The following PIPOX variants were observed in gnomAD, a reference collection of about 807,000 sequenced individuals.
PIPOX encodes peroxisomal sarcosine oxidase.
Under a neutral mutation model 47.9 loss-of-function variants are expected in PIPOX, and 45 were observed. That is an observed-to-expected ratio of 0.94 (90% CI 0.74 to 1.20). The LOEUF is 1.20. Ranked by LOEUF, PIPOX falls within the 50% of genes most tolerant of loss-of-function variation. The pLI, the probability that PIPOX is intolerant of heterozygous loss-of-function variation, is 0.00. For missense variants in PIPOX, 458 were observed against 498.4 expected, an observed-to-expected ratio of 0.92 and a Z score of 0.77; for synonymous variants, 165 against 191.3, an observed-to-expected ratio of 0.86 and a Z score of 1.13.
intron 5 of PIPOX, 64 bp downstream of exon 5, chr17:29,054,755 CT>C: frequency 1.3e-6 from 2 of 1,558,762 alleles, no homozygotes; most frequent in Non-Finnish European, 1.8e-6. Flanking sequence ...GCTGCTCTAA[CT>C]TTCCCCTCCA....
intron 2 of PIPOX, among the ~76,000 whole-genome samples, chr17:29,050,733 G>C (rs906632837): frequency 4.6e-5 from 7 of 152,170 alleles, no homozygotes; most frequent in African/African-American, 1.7e-4. Flanking sequence ...GAAACTTGGA[G>C]GGCTGAGGCA....
At position 29,053,430 on chromosome 17, in the gene PIPOX, A is replaced by T; in HGVS notation, c.495A>T (p.Leu165=). The change falls in exon 4 of 8, where the codon CTA becomes CTT. Residue 165 remains leucine, a synonymous_variant. Transcript: ENST00000323372. Reference sequence around the variant, plus strand: ...CCTTTCAGGATGCAATTCGACAGCTAGGAGGCATAGTGCGTGACGGAGAGA... The same window carrying T: ...CCTTTCAGGATGCAATTCGACAGCTTGGAGGCATAGTGCGTGACGGAGAGA... The part of the protein sequence containing the change: ...LRALQDAIRQ[L]GGIVRDGEKV... 1 of 1,612,318 alleles carries T rather than the reference A, an allele frequency of 6.2e-7. No individual in the cohort carries two copies. The highest frequency in any genetic ancestry group is 8.5e-7 in the Non-Finnish European group (1 of 1,178,668).
At chr17:29,053,271 G>A (rs923180096) in intron 3 of PIPOX, 138 bp downstream of exon 3, 1 of 1,189,198 alleles carries the variant, frequency 8.4e-7, no homozygotes, top group African/African-American at 1.5e-5. Flanking sequence ...CAGCAGGGCA[G>A]TGAAATATAT....
At chr17:29,043,727 G>T (rs2065775095) in intron 1 of PIPOX, among the ~76,000 whole-genome samples, 2 of 152,078 alleles carry the variant, frequency 1.3e-5, no homozygotes, top group Non-Finnish European at 2.9e-5. Flanking sequence ...TAGAGGCAAA[G>T]GTTGATTTAT....
rs146533956 is a variant in PIPOX, at chr17:29,055,077, C to T, written c.822C>T (p.His274=). The T allele has an allele frequency of 4.0e-5, 65 of 1,614,058 alleles. No homozygotes were observed. In the East Asian group the frequency reaches 9.1e-4, roughly 23 times the overall value. ...YPGLMKVSYH[H]GNHADPEERD... ...TTGGGAGCCAGGTCAGCTATCACCA[C>T]GGCAACCACGCAGACCCTGAGGAGC... is the stretch of plus-strand genomic sequence containing the variant. Residue 274 remains histidine (H), a synonymous_variant, in exon 6 of 8, where the codon CAC becomes CAT. Transcript: ENST00000323372.
chr17:29,046,537 A>G (rs2065786167), intron 2 of PIPOX: 1 of 951,536 alleles, frequency 1.1e-6, no homozygotes, highest in African/African-American at 1.8e-5. Context: ...TACTTGGCCC[A>G]ATGTCTAGCA....
At chr17:29,050,594 T>C (rs1568019507) in intron 2 of PIPOX, among the ~76,000 whole-genome samples, 1 of 151,836 alleles carries the variant, frequency 6.6e-6, no homozygotes, top group Non-Finnish European at 1.5e-5. Flanking sequence ...TCCCAAATAT[T>C]TGGGAGGCCA....
intron 4 of PIPOX, 41 bp downstream of exon 4, chr17:29,053,636 A>G (rs1315837525): frequency 6.7e-7 from 1 of 1,490,302 alleles, no homozygotes; most frequent in Admixed American, 2.0e-5. Flanking sequence ...GCTCAAGAGA[A>G]GCCTTGGAAC....
chr17:29,043,334 G>A lies in PIPOX; in HGVS notation c.109G>A (p.Glu37Lys), dbSNP rs751432469. Residue 37 changes from glutamate (E) to lysine (K), a missense_variant, in exon 1 of 8, where the codon GAG becomes AAG. Glu to Lys is a moderately conservative substitution (Grantham distance 56, BLOSUM62 1). Transcript: ENST00000323372. ...AKHRKRILLL[E>K]QFFLPHSRGS... The stretch of plus-strand genomic sequence containing the variant: ...ACACAGGAAGAGGATCCTCCTGCTG[G>A]AGCAGGTACTGTGTCCCTTCTGCAC... The A allele has an allele frequency of 3.7e-6, 6 of 1,606,580 alleles. No homozygotes were observed. Among genetic ancestry groups the A allele is most frequent in the Non-Finnish European group, 5.1e-6 (6 of 1,173,288 alleles).
chr17:29,052,658 A>G (rs563348655), intron 2 of PIPOX, among the ~76,000 whole-genome samples: 2 of 152,334 alleles, frequency 1.3e-5, no homozygotes, highest in East Asian at 3.9e-4. Flanking sequence ...CTCCCTGGCT[A>G]AAGTGATCCT....
At chr17:29,055,705 C>A in intron 6 of PIPOX, 108 bp from the exon 7 acceptor site, 1 of 948,278 alleles carries the variant, frequency 1.1e-6, no homozygotes, top group Non-Finnish European at 1.7e-6. Context: ...GTGCCTCATT[C>A]CATCCTTTCT....
rs761527840 is a variant in PIPOX at position 29,056,284 on chromosome 17, C to T, written c.1152C>T (p.Ser384=). 6 of 1,614,228 alleles carry T rather than the reference C, an allele frequency of 3.7e-6. No homozygotes were observed. Among genetic ancestry groups the T allele is most frequent in the Non-Finnish European group, 2.5e-6 (3 of 1,180,034 alleles). The change falls in exon 8 of 8, where the codon AGC becomes AGT. Residue 384 remains serine (S), a synonymous_variant. Transcript: ENST00000323372. ...CTTTTCGAATCAGCCGTTTCCCAAG[C>T]CTGGGCAAAGCCCACCTTTGACCTC... ...LAPFRISRFP[S]LGKAHL is the part of the protein sequence containing the mutation.
chr17:29,049,396 A>C (rs1333474739), intron 2 of PIPOX, among the ~76,000 whole-genome samples: 1 of 94,320 alleles, frequency 1.1e-5, no homozygotes, highest in Admixed American at 9.6e-5. Flanking sequence ...TCTAAGCAGA[A>C]AAAAAGAAGA....
At chr17:29,051,365 A>G (rs8078346) in intron 2 of PIPOX, among the ~76,000 whole-genome samples, 1 of 152,150 alleles carries the variant, frequency 6.6e-6, no homozygotes, top group African/African-American at 2.4e-5. Context: ...CACCCGCCCC[A>G]GGGCCCACGG....
chr17:29,054,160 G>GATAT (rs1407489239), intron 4 of PIPOX, among the ~76,000 whole-genome samples: 51 of 152,142 alleles, frequency 3.4e-4, no homozygotes, highest in Admixed American at 3.2e-3. Flanking sequence ...TCCAGTCTGG[G>GATAT]TGACAGAGCA....
At chr17:29,052,480 T>C (rs1291596497) in intron 2 of PIPOX, among the ~76,000 whole-genome samples, 1 of 152,230 alleles carries the variant, frequency 6.6e-6, no homozygotes, top group Non-Finnish European at 1.5e-5. Flanking sequence ...ACCTCTTCTC[T>C]GAACATGAGG....
rs370065793 is a variant in PIPOX, at chr17:29,056,929, G to C, written c.*624G>C. 6.6e-6 allele frequency: 1 copy of C among 152,306 alleles called. No individual in the cohort carries two copies. The highest frequency in any genetic ancestry group is 2.1e-4 in the South Asian group (1 of 4,820). The allele number at this position is 152,306 out of a possible 1,614,324, so 9.4% of individuals were successfully genotyped here. On this transcript the variant is annotated 3_prime_UTR_variant, in exon 8 of 8. Transcript: ENST00000323372. ...ACCCGGGAGGTGGAGGTGGCAGTGA[G>C]CCGAGATTGCGCCATTGCACTCCAG...
rs753099187 is a variant in PIPOX, at chr17:29,053,448, C to G, written c.513C>G (p.Asp171Glu). ...GACAGCTAGGAGGCATAGTGCGTGA[C>G]GGAGAGAAGGTGGTGGAGATAAACC... ...AIRQLGGIVR[D>E]GEKVVEINPG... is the part of the protein sequence containing the mutation. Residue 171 changes from aspartate (D) to glutamate (E), a missense_variant, in exon 4 of 8, where the codon GAC becomes GAG. Transcript: ENST00000323372. 1 of 1,613,970 alleles carries G rather than the reference C, an allele frequency of 6.2e-7. No homozygotes were observed. Among genetic ancestry groups the G allele is most frequent in the Non-Finnish European group, 8.5e-7 (1 of 1,179,918 alleles).
At chr17:29,045,403 CTTTTTTTTTTTTT>C (rs57047541) in intron 2 of PIPOX, among the ~76,000 whole-genome samples, 4,791 of 51,376 alleles carry the variant, frequency 0.093, 169 homozygotes, top group Middle Eastern at 0.16. Flanking sequence ...CAGGAGGATT[CTTTTTTTTTTTTT>C]TTTTTTTTTT....
Sources: gnomAD v4.1 joint callset for allele counts (sites outside exome capture counted in the v4.1 genomes callset) on GRCh38, gnomAD v4.1.1 for gene constraint, MANE v1.5 for transcripts, NCBI Gene and HGNC (gene_info 2026-07-23, HGNC 2026-07-21) for gene names.